Variants in ASB1 observed in about 807,000 individuals in gnomAD.
The protein encoded by ASB1 is ankyrin repeat and SOCS box containing 1, also known as ankyrin repeat and SOCS box protein 1.
A neutral mutation model predicts 27.7 loss-of-function variants in ASB1; 18 were observed. The observed-to-expected ratio is 0.65, with a 90% CI of 0.45 to 0.96. The LOEUF (loss-of-function observed/expected upper bound fraction) is 0.96, where lower values mean the gene tolerates loss of function less well. Ranked by LOEUF, ASB1 falls within the 50% of genes least tolerant of loss-of-function variation. The pLI, the probability that ASB1 is intolerant of heterozygous loss-of-function variation, is 0.00. For synonymous variants in ASB1, 189 were observed against 187.6 expected (o/e 1.01, Z -0.06); for missense variants, 397 against 451.7 (o/e 0.88, Z 1.10).
rs1702233743 is a variant in ASB1 at position 238,449,185 on chromosome 2, C to A, written c.*2674C>A. The A allele has an allele frequency of 6.6e-6, 1 of 152,236 alleles. No individual in the cohort carries two copies. The highest frequency in any genetic ancestry group is 1.5e-5 in the Non-Finnish European group (1 of 68,048). 9.4% of individuals were successfully genotyped at this position (152,236 alleles called of 1,614,324 possible). On this transcript the variant is annotated 3_prime_UTR_variant, in exon 5 of 5. Transcript: ENST00000264607. Reference sequence around the variant, plus strand: ...TTCCTCCTGGGTTTTAGTGGCATTGCCTTCCTTCACTAAAGCTCCCTTTTT... The same window carrying A: ...TTCCTCCTGGGTTTTAGTGGCATTGACTTCCTTCACTAAAGCTCCCTTTTT...
At chr2:238,432,604 G>A (rs762557562) in intron 1 of ASB1, among the ~76,000 whole-genome samples, 2 of 152,134 alleles carry the variant, frequency 1.3e-5, no homozygotes, top group South Asian at 2.1e-4. Flanking sequence ...GGATTTTGCC[G>A]TATGTCTTTT....
chr2:238,447,889 G>GGATA lies in ASB1; in HGVS notation c.*1381_*1384dup, dbSNP rs1702210065. 6.6e-6 allele frequency: 1 copy of GGATA among 152,300 alleles called. No homozygotes were observed. The highest frequency in any genetic ancestry group is 2.4e-5 in the African/African-American group (1 of 41,464). 9.4% of individuals were successfully genotyped at this position (152,300 alleles called of 1,614,324 possible). A position where few individuals can be genotyped will look rare whatever the true frequency, so the allele number is the denominator to read the frequency against. On this transcript the variant is annotated 3_prime_UTR_variant, in exon 5 of 5. Coordinates refer to ENST00000264607, the MANE Select transcript of ASB1 (RefSeq NM_001040445.3). The stretch of plus-strand genomic sequence containing the variant: ...GCCATTATTGCGTTCTACAGCCAGA[G>GGATA]GATAGAATTCTATACCCCCAACCCC...
chr2:238,446,721 T>C lies in ASB1; in HGVS notation c.*210T>C, dbSNP rs1702188450. ...GAGAGGCTTATACTAAAGTTATTAT[T>C]GTTTTTCCCAAGTTCTCTGTTCTGG... On this transcript the variant is annotated 3_prime_UTR_variant, in exon 5 of 5. Coordinates refer to ENST00000264607, the MANE Select transcript of ASB1 (RefSeq NM_001040445.3). The C allele has an allele frequency of 7.0e-6, 4 of 572,968 alleles. No individual in the cohort carries two copies. The highest frequency in any genetic ancestry group is 1.2e-5 in the Non-Finnish European group (4 of 328,384). 35.5% of individuals were successfully genotyped at this position (572,968 alleles called of 1,614,324 possible).
rs1702186325 is a variant in ASB1 at position 238,446,620 on chromosome 2, C to T, written c.*109C>T. 2 of 1,407,950 alleles carry T rather than the reference C, an allele frequency of 1.4e-6. No individual in the cohort carries two copies. The highest frequency in any genetic ancestry group is 2.0e-6 in the Non-Finnish European group (2 of 1,008,488). The allele number at this position is 1,407,950 out of a possible 1,614,324, so 87.2% of individuals were successfully genotyped here. The stretch of plus-strand genomic sequence containing the variant: ...GCTGGTCTCCTGATGGCTGTTGCTG[C>T]AGAAGATGTCCTCGTAGACTGTCAT... On this transcript the variant is annotated 3_prime_UTR_variant, in exon 5 of 5. Transcript: ENST00000264607.
At chr2:238,432,234 T>C (rs1474266432) in intron 1 of ASB1, among the ~76,000 whole-genome samples, 5 of 152,226 alleles carry the variant, frequency 3.3e-5, no homozygotes, top group Non-Finnish European at 7.3e-5. Flanking sequence ...TTCTCCCTTA[T>C]ATTTTAAAAT....
rs566733046 is a variant in ASB1 at position 238,439,745 on chromosome 2, C to G, written c.494+3732C>G. Among the ~76,000 whole-genome samples, 117 of 152,274 alleles carry G rather than the reference C, an allele frequency of 7.7e-4. 1 individual carries two copies. The highest frequency in any genetic ancestry group is 1.6e-3 in the Admixed American group (25 of 15,290). ...AAAGGGAGGTTGTGTTCGCATTCCC[C>G]TCTTATCAGGCTGCGTGTGATCGCA... On this transcript the variant is annotated intron_variant, in intron 3 of 4. Transcript: ENST00000264607.
chr2:238,450,718 GAC>G lies in ASB1; in HGVS notation c.*4212_*4213del, dbSNP rs1702266263. On this transcript the variant is annotated 3_prime_UTR_variant, in exon 5 of 5. Coordinates refer to ENST00000264607, the MANE Select transcript of ASB1 (RefSeq NM_001040445.3). ...CCTCTGGCCACCCCTGGATCCATGG[GAC>G]ACACTCACAGGAAGCTGATGTGGCC... 1 of 152,146 alleles carries G rather than the reference GAC, an allele frequency of 6.6e-6. No individual in the cohort carries two copies. Among genetic ancestry groups the G allele is most frequent in the African/African-American group, 2.4e-5 (1 of 41,392 alleles). 9.4% of individuals were successfully genotyped at this position (152,146 alleles called of 1,614,324 possible).
chr2:238,449,380 G>A lies in ASB1; in HGVS notation c.*2869G>A, dbSNP rs1435054289. On this transcript the variant is annotated 3_prime_UTR_variant, in exon 5 of 5. Coordinates refer to ENST00000264607, the MANE Select transcript of ASB1 (RefSeq NM_001040445.3). The stretch of plus-strand genomic sequence containing the variant: ...GGCCCGGAGTCCTCCCTAGGAGAGG[G>A]GCTCGATGGGCTGGGGGAAGGAGCC... 1 of 152,768 alleles carries A rather than the reference G, an allele frequency of 6.5e-6. No individual in the cohort carries two copies. Among genetic ancestry groups the A allele is most frequent in the Non-Finnish European group, 1.5e-5 (1 of 68,496 alleles). 9.5% of individuals were successfully genotyped at this position (152,768 alleles called of 1,614,324 possible). A position where few individuals can be genotyped will look rare whatever the true frequency, so the allele number is the denominator to read the frequency against.
chr2:238,438,123 T>G (rs1017057111), intron 3 of ASB1, among the ~76,000 whole-genome samples: 11 of 152,064 alleles, frequency 7.2e-5, no homozygotes, highest in Non-Finnish European at 1.5e-4. Flanking sequence ...CTTTGGGTAT[T>G]TCAGTCAATT....
Position 238,435,881 on chromosome 2 carries a change from A to G in ASB1, c.362A>G (p.Asn121Ser). The G allele has an allele frequency of 6.2e-7, 1 of 1,614,208 alleles. No homozygotes were observed. The highest frequency in any genetic ancestry group is 8.5e-7 in the Non-Finnish European group (1 of 1,180,028). ...ACGGCCCTGTATGTGGCTGTGGTGA[A>G]CGGGCACCTAGAGAGTACCCAGATC... The part of the protein sequence containing the change: ...GQTALYVAVV[N>S]GHLESTQILL... The change falls in exon 3 of 5, where the codon AAC (asparagine) becomes AGC (serine). Residue 121 changes from asparagine (N) to serine (S), a missense_variant. By Grantham distance (46) the Asn-to-Ser change is conservative. Transcript: ENST00000264607.
chr2:238,429,553 GA>G, intron 1 of ASB1, among the ~76,000 whole-genome samples: 1 of 152,126 alleles, frequency 6.6e-6, no homozygotes. Context: ...GTAATAAAGT[GA>G]ATACTGCAGT....
In ASB1 at chr2:238,435,904, A is replaced by G. The variant is rs376556691; in HGVS notation, c.385A>G (p.Ile129Val). ...GAACGGGCACCTAGAGAGTACCCAG[A>G]TCCTTCTCGAAGCTGGCGCGGACCC... ...VVNGHLESTQ[I>V]LLEAGADPNG... Residue 129 changes from isoleucine to valine, a missense_variant, in exon 3 of 5, where the codon ATC becomes GTC. Physicochemically the swap from Ile to Val is conservative, Grantham distance 29. Transcript: ENST00000264607. The G allele has an allele frequency of 6.2e-7, 1 of 1,614,166 alleles. No individual in the cohort carries two copies. Among genetic ancestry groups the G allele is most frequent in the Non-Finnish European group, 8.5e-7 (1 of 1,180,034 alleles).
chr2:238,442,515 T>A (rs998245865), intron 3 of ASB1, among the ~76,000 whole-genome samples: 4 of 152,234 alleles, frequency 2.6e-5, no homozygotes, highest in African/African-American at 9.6e-5. Context: ...CAATTTTTCA[T>A]TGCTTGTTTT....
intron 1 of ASB1, among the ~76,000 whole-genome samples, chr2:238,429,289 T>G (rs1033068938): frequency 6.6e-6 from 1 of 152,184 alleles, no homozygotes; most frequent in African/African-American, 2.4e-5. Flanking sequence ...AGCAGGGACT[T>G]GAATCCAAGT....
rs931260122 is a variant in ASB1, at chr2:238,451,075, C to T, written c.*4564C>T. 9 of 79,458 alleles carry T rather than the reference C, an allele frequency of 1.1e-4. No homozygotes were observed. The highest frequency in any genetic ancestry group is 2.8e-4 in the East Asian group (1 of 3,536). The allele number at this position is 79,458 out of a possible 1,614,324, so 4.9% of individuals were successfully genotyped here. A position where few individuals can be genotyped will look rare whatever the true frequency, so the allele number is the denominator to read the frequency against. On this transcript the variant is annotated 3_prime_UTR_variant, in exon 5 of 5. Transcript: ENST00000264607. ...CAGTGTGGAATGAACGCTCCAAACCCGAACCTCTCAGTGTGGAATGAAACA... is the reference window on the plus strand; with the variant it reads ...CAGTGTGGAATGAACGCTCCAAACCTGAACCTCTCAGTGTGGAATGAAACA...
rs6711952 is a variant in ASB1 at position 238,426,964 on chromosome 2, C to A, written c.-107C>A. 2 of 926,674 alleles carry A rather than the reference C, an allele frequency of 2.2e-6. No individual in the cohort carries two copies. Among genetic ancestry groups the A allele is most frequent in the East Asian group, 3.5e-5 (1 of 28,954 alleles). The allele number at this position is 926,674 out of a possible 1,614,324, so 57.4% of individuals were successfully genotyped here. On this transcript the variant is annotated 5_prime_UTR_variant, in exon 1 of 5. Coordinates refer to ENST00000264607, the MANE Select transcript of ASB1 (RefSeq NM_001040445.3). ...GCGCGCCCGCCGGAAGCCGCGACCC[C>A]GACGCGCCCCCCATTGCCCTCGGCG...
intron 3 of ASB1, among the ~76,000 whole-genome samples, chr2:238,438,084 G>C (rs543007394): frequency 6.6e-6 from 1 of 152,174 alleles, no homozygotes; most frequent in South Asian, 2.1e-4. Flanking sequence ...GGATCAATCA[G>C]TGAAATTCCA....
intron 2 of ASB1, 138 bp downstream of exon 2, chr2:238,433,833 G>T: frequency 1.9e-6 from 2 of 1,026,370 alleles, no homozygotes; most frequent in Admixed American, 2.6e-5. Flanking sequence ...CGGGGATAAA[G>T]GAGACTGAGG....
Position 238,435,720 on chromosome 2 carries a change from C to T in ASB1, c.201C>T (p.Asn67=), listed in dbSNP as rs992303300. The change falls in exon 3 of 5, where the codon AAC becomes AAT. Residue 67 remains asparagine, a synonymous_variant. Transcript: ENST00000264607. ...TGTGTTCCTCCTGCAGCCGCATCAA[C>T]GAGAAGTCTGTCTGGTGCTGTGGCT... The part of the protein sequence containing the change: ...LQEESYRSRI[N]EKSVWCCGWL... The T allele has an allele frequency of 1.7e-5, 27 of 1,612,132 alleles. No individual in the cohort carries two copies. The highest frequency in any genetic ancestry group is 6.7e-5 in the East Asian group (3 of 44,842).
Sources: allele counts gnomAD v4.1 joint callset (sites outside exome capture counted in the v4.1 genomes callset), GRCh38; gene constraint gnomAD v4.1.1; transcripts MANE v1.5; gene names NCBI Gene and HGNC (gene_info 2026-07-23, HGNC 2026-07-21).